NTM: variants seen among roughly 807,000 people sequenced by gnomAD.
The protein encoded by NTM is IgLON family member 2.
Under a neutral mutation model 42.1 loss-of-function variants are expected in NTM, and 13 were observed. The ratio of observed to expected loss-of-function variants is 0.31; its 90% CI spans 0.20 to 0.49. NTM has a LOEUF of 0.49. Among genes scored for constraint, NTM ranks in the 20% least tolerant of loss-of-function variants. The pLI, the probability that NTM is intolerant of heterozygous loss-of-function variation, is 0.99. For missense variants in NTM, 373 were observed against 452.8 expected, an observed-to-expected ratio of 0.82 and a Z score of 1.60; for synonymous variants, 187 against 179.2, an observed-to-expected ratio of 1.04 and a Z score of -0.35.
intron 1 of NTM, among the ~76,000 whole-genome samples, chr11:131,528,155 T>C (rs2050764527): frequency 6.6e-6 from 1 of 152,214 alleles, no homozygotes; most frequent in Non-Finnish European, 1.5e-5. Flanking sequence ...ATGCTTGTTT[T>C]CATTTTGTCT....
At chr11:132,263,642 C>T (rs919090262) in intron 4 of NTM, among the ~76,000 whole-genome samples, 7 of 151,944 alleles carry the variant, frequency 4.6e-5, no homozygotes, top group African/African-American at 1.7e-4. Context: ...ATTTCCCTTT[C>T]TCACATGTTA....
chr11:131,981,260 T>A (rs933771102), intron 2 of NTM: 1 of 152,204 alleles, frequency 6.6e-6, no homozygotes, highest in Non-Finnish European at 1.5e-5. Flanking sequence ...GGAGAAAGAA[T>A]TAAAGTGTCC....
At chr11:132,085,318 A>T (rs11222912) in intron 2 of NTM, among the ~76,000 whole-genome samples, 15,874 of 152,214 alleles carry the variant, frequency 0.1, 856 homozygotes, top group South Asian at 0.18. Context: ...AATCTGGTAG[A>T]TTGTTTTAAT....
chr11:131,841,412 A>G (rs2044226043), intron 1 of NTM, among the ~76,000 whole-genome samples: 2 of 152,318 alleles, frequency 1.3e-5, no homozygotes, highest in Admixed American at 1.3e-4. Context: ...ACAACGGCAA[A>G]TAAGATCATT....
intron 4 of NTM, among the ~76,000 whole-genome samples, chr11:132,229,457 T>G (rs1592370785): frequency 6.6e-6 from 1 of 152,358 alleles, no homozygotes; most frequent in African/African-American, 2.4e-5. Flanking sequence ...GTTACTAAAT[T>G]ATATCACCTT....
intron 2 of NTM, among the ~76,000 whole-genome samples, chr11:132,071,010 C>T (rs1195097156): frequency 6.6e-5 from 9 of 135,872 alleles, no homozygotes; most frequent in African/African-American, 2.3e-4. Context: ...TCACACTGAC[C>T]ATCACAGGTT....
intron 1 of NTM, among the ~76,000 whole-genome samples, chr11:131,690,944 GGGA>G (rs2074594741): frequency 6.6e-6 from 1 of 152,184 alleles, no homozygotes; most frequent in Non-Finnish European, 1.5e-5. Flanking sequence ...TCGAAACCCA[GGGA>G]GGAGAAGGGG....
chr11:132,227,082 G>A (rs186888719), intron 4 of NTM, among the ~76,000 whole-genome samples: 1 of 152,292 alleles, frequency 6.6e-6, no homozygotes, highest in African/African-American at 2.4e-5. Flanking sequence ...CCAGAGGCTG[G>A]CTATCCCACA....
chr11:131,937,410 GTC>G (rs1314400951), intron 2 of NTM, among the ~76,000 whole-genome samples: 1 of 152,194 alleles, frequency 6.6e-6, no homozygotes, highest in Non-Finnish European at 1.5e-5. Flanking sequence ...GTGGGTGGAA[GTC>G]TCTGGGCGAT....
At chr11:131,862,359 C>T (rs1356611144) in intron 1 of NTM, among the ~76,000 whole-genome samples, 1 of 152,326 alleles carries the variant, frequency 6.6e-6, no homozygotes, top group Non-Finnish European at 1.5e-5. Context: ...AAGATAGCAA[C>T]TTCCTGGTCC....
intron 1 of NTM, among the ~76,000 whole-genome samples, chr11:131,741,275 G>A (rs1591538673): frequency 6.6e-6 from 1 of 152,120 alleles, no homozygotes; most frequent in Non-Finnish European, 1.5e-5. Flanking sequence ...ACCCAGAAGG[G>A]GCTGGGTTTG....
At chr11:131,526,832 A>G (rs1374737673) in intron 1 of NTM, among the ~76,000 whole-genome samples, 1 of 152,220 alleles carries the variant, frequency 6.6e-6, no homozygotes, top group African/African-American at 2.4e-5. Context: ...TGTCTTATGC[A>G]TGGGTGTGGT....
chr11:132,126,583 C>T (rs1408632477), intron 2 of NTM, among the ~76,000 whole-genome samples: 1 of 152,166 alleles, frequency 6.6e-6, no homozygotes, highest in Non-Finnish European at 1.5e-5. Context: ...TCATTTCTCC[C>T]CTAGCAGTTG....
chr11:131,790,642 G>A (rs2090801011), intron 1 of NTM, among the ~76,000 whole-genome samples: 1 of 152,174 alleles, frequency 6.6e-6, no homozygotes, highest in Non-Finnish European at 1.5e-5. Context: ...GGTCCTCACA[G>A]ACTGTTGTGG....
chr11:131,996,905 C>G (rs2068155939), intron 2 of NTM, among the ~76,000 whole-genome samples: 1 of 152,134 alleles, frequency 6.6e-6, no homozygotes, highest in African/African-American at 2.4e-5. Flanking sequence ...TGGAGGGAAA[C>G]ACTCCTGTAA....
Position 131,597,456 on chromosome 11 carries a change from C to T in NTM, c.82+226568C>T, listed in dbSNP as rs376755954. 1.3e-4 allele frequency among the ~76,000 whole-genome samples: 20 copies of T among 152,310 alleles called. No individual in the cohort carries two copies. The South Asian group carries it at 2.1e-3, about 16-fold the overall frequency. On this transcript the variant is annotated intron_variant, in intron 1 of 8. Transcript: ENST00000683400. ...CAAATTCCAGCTGGGAAACACAATT[C>T]CAGCTTCCCACCTCCCCTGTCCACT...
chr11:131,763,709 C>CTCTTTTTTTTTTT (rs2084620795), intron 1 of NTM, among the ~76,000 whole-genome samples: 6 of 71,376 alleles, frequency 8.4e-5, no homozygotes, highest in African/African-American at 2.8e-4. Flanking sequence ...ATCTCTCTCT[C>CTCTTTTTTTTTTT]TTTTTTTTTT....
chr11:132,167,147 A>T (rs941929302), intron 3 of NTM, among the ~76,000 whole-genome samples: 8 of 152,232 alleles, frequency 5.3e-5, no homozygotes, highest in Non-Finnish European at 1.2e-4. Flanking sequence ...TATGCCAGTT[A>T]TATGACTGGC....
intron 7 of NTM, among the ~76,000 whole-genome samples, chr11:132,320,095 C>T (rs2095526511): frequency 6.6e-6 from 1 of 152,178 alleles, no homozygotes; most frequent in Non-Finnish European, 1.5e-5. Context: ...GAAAGGACAT[C>T]CACACCAAAA....
Sources: gnomAD v4.1 joint callset for allele counts (sites outside exome capture counted in the v4.1 genomes callset) on GRCh38, gnomAD v4.1.1 for gene constraint, MANE v1.5 for transcripts, NCBI Gene and HGNC (gene_info 2026-07-23, HGNC 2026-07-21) for gene names.